RHOBTB1: variants seen among roughly 807,000 people sequenced by gnomAD.
RHOBTB1 encodes Rho related BTB domain containing 1.
Under a neutral mutation model 71.6 loss-of-function variants are expected in RHOBTB1, and 40 were observed. That is an observed-to-expected ratio of 0.56 (90% CI 0.43 to 0.73). RHOBTB1 has a LOEUF of 0.73. RHOBTB1 is among the 30% of genes least tolerant of loss of function. The pLI is 0.00. For missense variants in RHOBTB1, 797 were observed against 894.0 expected (o/e 0.89, Z 1.38); for synonymous variants, 319 against 334.9 (o/e 0.95, Z 0.52).
At chr10:60,911,281 T>C in intron 3 of RHOBTB1, 70 bp downstream of exon 3, 1 of 1,427,448 alleles carries the variant, frequency 7.0e-7, no homozygotes, top group East Asian at 2.4e-5. Context: ...GCTCCTCCTT[T>C]AGAAAAAATC....
chr10:60,935,324 G>A (rs1589362294), intron 2 of RHOBTB1, among the ~76,000 whole-genome samples: 1 of 152,154 alleles, frequency 6.6e-6, no homozygotes, highest in African/African-American at 2.4e-5. Context: ...TACATTGATT[G>A]GGTAGTGGCT....
At chr10:60,987,025 G>A (rs897392414) in intron 1 of RHOBTB1, among the ~76,000 whole-genome samples, 1 of 152,166 alleles carries the variant, frequency 6.6e-6, no homozygotes, top group African/African-American at 2.4e-5. Context: ...CAAAAATGAA[G>A]TGTGGACCCA....
Position 60,888,335 on chromosome 10 carries a change from A to T in RHOBTB1, c.1333T>A (p.Leu445Met), listed in dbSNP as rs777070841. The change falls in exon 6 of 11, where the codon TTG becomes ATG. Residue 445 changes from leucine (L) to methionine (M), a missense_variant. Leu to Met is a conservative substitution (Grantham distance 15). Around this residue, in one of 2 missense-constraint regions of RHOBTB1, gnomAD observed 658 missense variants for 681.5 expected, o/e 0.97. Transcript: ENST00000337910. ...QIAEVLEMFDLRMMVENIMNK... is the reference protein window; with the variant it reads ...QIAEVLEMFDMRMMVENIMNK... ...ATGATGTTTTCCACCATCATCCTCA[A>T]ATCGAACATCTCGAGGACCTCTGCG... 53 of 1,613,920 alleles carry T rather than the reference A, an allele frequency of 3.3e-5. No individual in the cohort carries two copies. Among genetic ancestry groups the T allele is most frequent in the Non-Finnish European group, 8.5e-7 (1 of 1,180,002 alleles).
At chr10:60,896,624 A>C (rs946826628) in intron 4 of RHOBTB1, among the ~76,000 whole-genome samples, 11 of 152,224 alleles carry the variant, frequency 7.2e-5, no homozygotes, top group African/African-American at 2.4e-4. Flanking sequence ...CAGTTTTATT[A>C]GAGAAAGCCA....
At chr10:60,978,291 T>C (rs1273335173) in intron 2 of RHOBTB1, among the ~76,000 whole-genome samples, 1 of 152,148 alleles carries the variant, frequency 6.6e-6, no homozygotes, top group East Asian at 1.9e-4. Flanking sequence ...ATTCCTACCG[T>C]TTCTGAGACA....
At chr10:60,995,382 C>A (rs916046148) in intron 1 of RHOBTB1, among the ~76,000 whole-genome samples, 6 of 152,108 alleles carry the variant, frequency 3.9e-5, no homozygotes, top group African/African-American at 1.4e-4. Flanking sequence ...GGAACCTAAG[C>A]AGTCTGGCTC....
chr10:60,908,798 C>T (rs78609195), intron 4 of RHOBTB1, among the ~76,000 whole-genome samples: 2,168 of 152,216 alleles, frequency 0.014, 48 homozygotes, highest in African/African-American at 0.049. Flanking sequence ...TGTGTCAGGA[C>T]GCCTGGAGGC....
At chr10:60,871,901 G>A (rs998022010) in intron 10 of RHOBTB1, 1 of 603,766 alleles carries the variant, frequency 1.7e-6, no homozygotes, top group East Asian at 2.8e-5. Context: ...CTGCTCCTAA[G>A]CTTGTCTCCC....
chr10:60,932,769 T>C (rs2084336464), intron 2 of RHOBTB1, among the ~76,000 whole-genome samples: 1 of 152,090 alleles, frequency 6.6e-6, no homozygotes, highest in African/African-American at 2.4e-5. Context: ...CACAAAAAGA[T>C]TGAGATAGAG....
chr10:60,880,174 T>C (rs1423887838), intron 7 of RHOBTB1, among the ~76,000 whole-genome samples: 1 of 127,926 alleles, frequency 7.8e-6, no homozygotes, highest in Non-Finnish European at 1.6e-5. Flanking sequence ...TACTGAGGGA[T>C]GACTGTGTGT....
At chr10:60,861,756 A>G in the RHOBTB1 span, among the ~76,000 whole-genome samples, 3 of 152,212 alleles carry the variant, frequency 2.0e-5, no homozygotes, top group Non-Finnish European at 4.4e-5. Context: ...CAATGTATCC[A>G]TCACTCACCC....
At chr10:60,932,629 G>T (rs2084328678) in intron 2 of RHOBTB1, among the ~76,000 whole-genome samples, 1 of 151,602 alleles carries the variant, frequency 6.6e-6, no homozygotes, top group Non-Finnish European at 1.5e-5. Context: ...GCTTTGTCAA[G>T]AATTAATAAT....
intron 9 of RHOBTB1, 79 bp downstream of exon 9, chr10:60,874,875 T>A: frequency 4.1e-6 from 4 of 983,274 alleles, no homozygotes; most frequent in Non-Finnish European, 6.5e-6. Context: ...TTTAGACAGA[T>A]GCAACAATGG....
intron 1 of RHOBTB1, among the ~76,000 whole-genome samples, chr10:60,991,928 T>G (rs999313173): frequency 2.0e-5 from 3 of 152,200 alleles, no homozygotes; most frequent in Non-Finnish European, 4.4e-5. Flanking sequence ...TTTTATTGTC[T>G]GTCTTCCCCT....
intron 2 of RHOBTB1, among the ~76,000 whole-genome samples, chr10:60,962,147 A>T (rs1424853179): frequency 6.6e-6 from 1 of 151,936 alleles, no homozygotes; most frequent in East Asian, 1.9e-4. Flanking sequence ...AGATCCAATG[A>T]TAGGATCGTT....
intron 2 of RHOBTB1, among the ~76,000 whole-genome samples, chr10:60,936,160 G>A (rs917795234): frequency 1.1e-4 from 17 of 152,108 alleles, no homozygotes; most frequent in Middle Eastern, 3.2e-3. Flanking sequence ...GAGTTCTGAC[G>A]TACGTCTTTG....
chr10:60,920,514 A>T (rs2133707121), intron 2 of RHOBTB1, among the ~76,000 whole-genome samples: 1 of 152,198 alleles, frequency 6.6e-6, no homozygotes, highest in African/African-American at 2.4e-5. Flanking sequence ...AGGTGGGGAT[A>T]GATCATACTC....
chr10:60,927,491 G>A (rs1379973340), intron 2 of RHOBTB1, among the ~76,000 whole-genome samples: 1 of 152,106 alleles, frequency 6.6e-6, no homozygotes, highest in Non-Finnish European at 1.5e-5. Flanking sequence ...AACCAAAAAA[G>A]CATGGGACAG....
At chr10:60,970,498 T>A (rs2086116356) in intron 2 of RHOBTB1, among the ~76,000 whole-genome samples, 1 of 152,172 alleles carries the variant, frequency 6.6e-6, no homozygotes, top group Admixed American at 6.6e-5. Context: ...TAATTCTGTA[T>A]TTCATAGATC....
Sources: gnomAD v4.1 joint callset for allele counts (sites outside exome capture counted in the v4.1 genomes callset) on GRCh38, gnomAD v4.1.1 for gene constraint, gnomAD v4.1.1 regional missense constraint, MANE v1.5 for transcripts, NCBI Gene and HGNC (gene_info 2026-07-23, HGNC 2026-07-21) for gene names.